Variants in CSMD3 observed in about 807,000 individuals in gnomAD.
CSMD3 encodes CUB and sushi domain-containing protein 3.
A neutral mutation model predicts 435.2 loss-of-function variants in CSMD3; 177 were observed. The observed-to-expected ratio is 0.41, with a 90% CI of 0.36 to 0.46. CSMD3 has a LOEUF of 0.46. Among genes scored for constraint, CSMD3 ranks in the 20% least tolerant of loss-of-function variants. The pLI, the probability that CSMD3 is intolerant of heterozygous loss-of-function variation, is 0.34. For synonymous variants in CSMD3, 1,656 were observed against 1,520.5 expected (o/e 1.09, Z -2.07); for missense variants, 4,265 against 4,504.6 (o/e 0.95, Z 1.52).
chr8:112,780,434 C>T (rs182911947), intron 13 of CSMD3, among the ~76,000 whole-genome samples: 52 of 152,064 alleles, frequency 3.4e-4, no homozygotes, highest in African/African-American at 1.1e-3. Context: ...CTCCAGTGAC[C>T]GTCAACATCT....
At chr8:112,747,925 A>G (rs547856355) in intron 13 of CSMD3, among the ~76,000 whole-genome samples, 2 of 147,510 alleles carry the variant, frequency 1.4e-5, no homozygotes, top group African/African-American at 5.1e-5. Flanking sequence ...ATTGCGCCAC[A>G]GCACTCCCGC....
chr8:112,290,001 G>T (rs568677294), intron 56 of CSMD3, among the ~76,000 whole-genome samples: 4 of 151,982 alleles, frequency 2.6e-5, no homozygotes, highest in Non-Finnish European at 5.9e-5. Flanking sequence ...GAACTTGAGG[G>T]TTCAAGAGAT....
intron 11 of CSMD3, among the ~76,000 whole-genome samples, chr8:112,837,606 T>C (rs899109322): frequency 6.6e-6 from 1 of 151,808 alleles, no homozygotes; most frequent in African/African-American, 2.4e-5. Flanking sequence ...ACCTCATAAA[T>C]GGCAGTTATT....
At chr8:112,707,017 C>G (rs535013559) in intron 13 of CSMD3, among the ~76,000 whole-genome samples, 60 of 152,088 alleles carry the variant, frequency 3.9e-4, no homozygotes, top group African/African-American at 1.3e-3. Context: ...AGATTTTTGT[C>G]TAAATCCTGT....
At chr8:112,474,841 A>G (rs1001412677) in intron 31 of CSMD3, among the ~76,000 whole-genome samples, 2 of 152,164 alleles carry the variant, frequency 1.3e-5, no homozygotes. Flanking sequence ...TTTTTCTTTA[A>G]TGTTCTATAA....
intron 5 of CSMD3, among the ~76,000 whole-genome samples, chr8:113,095,413 C>A (rs2090133850): frequency 6.6e-6 from 1 of 152,136 alleles, no homozygotes; most frequent in Non-Finnish European, 1.5e-5. Context: ...TTCTCCAATT[C>A]TTTCTTCAAA....
At chr8:112,525,827 AT>A (rs199728652) in intron 27 of CSMD3, among the ~76,000 whole-genome samples, 4,320 of 124,990 alleles carry the variant, frequency 0.035, 157 homozygotes, top group African/African-American at 0.085. Context: ...CATATAAAAA[AT>A]ATATATATAT....
At chr8:113,270,503 C>T (rs2093514152) in intron 3 of CSMD3, among the ~76,000 whole-genome samples, 1 of 152,140 alleles carries the variant, frequency 6.6e-6, no homozygotes, top group African/African-American at 2.4e-5. Flanking sequence ...GTAAGTCATG[C>T]CGCTATAAAG....
chr8:112,756,349 T>G (rs1187024278), intron 13 of CSMD3, among the ~76,000 whole-genome samples: 1 of 152,162 alleles, frequency 6.6e-6, no homozygotes, highest in Non-Finnish European at 1.5e-5. Flanking sequence ...AATGACAACT[T>G]AAAACTATCT....
intron 4 of CSMD3, among the ~76,000 whole-genome samples, chr8:113,100,059 TA>T (rs892115092): frequency 1.3e-5 from 2 of 151,976 alleles, no homozygotes; most frequent in Admixed American, 6.6e-5. Context: ...GGGTAGAACA[TA>T]AAAAAAATTG....
chr8:113,107,911 C>A (rs1381695965), intron 4 of CSMD3, among the ~76,000 whole-genome samples: 3 of 152,012 alleles, frequency 2.0e-5, no homozygotes, highest in Non-Finnish European at 4.4e-5. Context: ...ATAGTAGGGA[C>A]TCCAAGTGAA....
At chr8:112,689,368 T>G (rs117243674) in intron 14 of CSMD3, among the ~76,000 whole-genome samples, 1 of 152,040 alleles carries the variant, frequency 6.6e-6, no homozygotes, top group African/African-American at 2.4e-5. Flanking sequence ...CCAAGCATAT[T>G]GTATATCATT....
chr8:113,156,218 C>G (rs2091925629), intron 4 of CSMD3, among the ~76,000 whole-genome samples: 1 of 151,972 alleles, frequency 6.6e-6, no homozygotes, highest in Admixed American at 6.6e-5. Flanking sequence ...ATTCAGGTGC[C>G]TAGTGTGCCA....
At chr8:112,287,507 GT>G (rs1006177123) in intron 57 of CSMD3, among the ~76,000 whole-genome samples, 4 of 152,004 alleles carry the variant, frequency 2.6e-5, no homozygotes, top group Admixed American at 2.6e-4. Flanking sequence ...TATTTCATAA[GT>G]TTTTCCAAAC....
chr8:112,827,199 ATATATAT>A (rs1313599158), intron 12 of CSMD3, among the ~76,000 whole-genome samples: 2 of 116,842 alleles, frequency 1.7e-5, no homozygotes, highest in African/African-American at 6.3e-5. Context: ...ATATATATAT[ATATATAT>A]AATCTTTCTA....
chr8:113,317,619 A>AT (rs1471294439), intron 1 of CSMD3, among the ~76,000 whole-genome samples: 1 of 152,126 alleles, frequency 6.6e-6, no homozygotes, highest in Admixed American at 6.5e-5. Flanking sequence ...AATAAAGTAC[A>AT]TTTTTTCCAG....
intron 22 of CSMD3, among the ~76,000 whole-genome samples, chr8:112,596,374 G>C (rs1483492809): frequency 6.6e-6 from 1 of 151,784 alleles, no homozygotes; most frequent in Non-Finnish European, 1.5e-5. Context: ...AGCAAGTCCT[G>C]AGTGACCTAC....
At chr8:112,632,157 A>G (rs2074532260) in intron 22 of CSMD3, among the ~76,000 whole-genome samples, 2 of 152,022 alleles carry the variant, frequency 1.3e-5, no homozygotes, top group Non-Finnish European at 2.9e-5. Context: ...TCATTTTGGA[A>G]TAGTTTTAGG....
chr8:112,835,766 C>A (rs1045888747), intron 11 of CSMD3, among the ~76,000 whole-genome samples: 1 of 151,844 alleles, frequency 6.6e-6, no homozygotes, highest in African/African-American at 2.4e-5. Flanking sequence ...TAGAGCACAG[C>A]AGTCTTGTTC....
Sources: allele counts gnomAD v4.1 joint callset (sites outside exome capture counted in the v4.1 genomes callset), GRCh38; gene constraint gnomAD v4.1.1; transcripts MANE v1.5; gene names NCBI Gene and HGNC (gene_info 2026-07-23, HGNC 2026-07-21).